COG5: variants seen among roughly 807,000 people sequenced by gnomAD.
COG5 encodes conserved oligomeric Golgi complex subunit 5.
Under a neutral mutation model 110.4 loss-of-function variants are expected in COG5, and 86 were observed. That is an observed-to-expected ratio of 0.78 (90% CI 0.65 to 0.93). The LOEUF (loss-of-function observed/expected upper bound fraction) is 0.93. Ranked by LOEUF, COG5 falls within the 40% of genes least tolerant of loss-of-function variation. The pLI is 0.00. For missense variants in COG5, 1,077 were observed against 987.0 expected (o/e 1.09, Z -1.22); for synonymous variants, 360 against 334.6 (o/e 1.08, Z -0.83).
At chr7:107,312,581 T>C (rs970344041) in intron 11 of COG5, among the ~76,000 whole-genome samples, 13 of 152,130 alleles carry the variant, frequency 8.5e-5, no homozygotes, top group Non-Finnish European at 1.3e-4. Flanking sequence ...GGGGAGGATA[T>C]AGACACGTGT....
intron 6 of COG5, among the ~76,000 whole-genome samples, chr7:107,513,890 G>T (rs1799723284): frequency 6.7e-6 from 1 of 149,860 alleles, no homozygotes; most frequent in African/African-American, 2.5e-5. Context: ...ACACTCCGGG[G>T]ACTGTTGTGG....
rs372757674 is a variant in COG5, at chr7:107,476,417, C to G, written c.538+50820G>C. On this transcript the variant is annotated intron_variant, in intron 6 of 21. Transcript: ENST00000297135. The stretch of plus-strand genomic sequence containing the variant: ...ACAATGTTCCCACCAAATCATAGCT[C>G]CCAAGTAATTCAAAATGAGTTGTTT... Among the ~76,000 whole-genome samples, 55 of 151,414 alleles carry G rather than the reference C, an allele frequency of 3.6e-4. 1 individual carries two copies. The highest frequency in any genetic ancestry group is 1.2e-3 in the African/African-American group (51 of 41,434).
chr7:107,482,377 C>G (rs1211829140), intron 6 of COG5, among the ~76,000 whole-genome samples: 1 of 151,972 alleles, frequency 6.6e-6, no homozygotes, highest in African/African-American at 2.4e-5. Flanking sequence ...AACTCCTGGT[C>G]TCAAGCAATC....
rs186310759 is a variant in COG5 at position 107,411,407 on chromosome 7, C to T, written c.669+1095G>A. On this transcript the variant is annotated intron_variant, in intron 7 of 21. Transcript: ENST00000297135. ...CTTACAGGGAGACCTAGAGTTAAAACATAATTGACCAAACAACTAAAAGTA... is the reference window on the plus strand; with the variant it reads ...CTTACAGGGAGACCTAGAGTTAAAATATAATTGACCAAACAACTAAAAGTA... Among the ~76,000 whole-genome samples, 118 of 151,822 alleles carry T rather than the reference C, an allele frequency of 7.8e-4. 1 individual carries two copies. The highest frequency in any genetic ancestry group is 2.8e-3 in the African/African-American group (115 of 41,390).
intron 14 of COG5, among the ~76,000 whole-genome samples, chr7:107,271,442 ATTC>A (rs550908019): frequency 1.6e-3 from 246 of 152,258 alleles, no homozygotes; most frequent in Middle Eastern, 0.01. Flanking sequence ...CATTTAAAAA[ATTC>A]TTCTTCAATT....
intron 19 of COG5, among the ~76,000 whole-genome samples, chr7:107,216,293 C>A (rs1168708961): frequency 6.6e-6 from 1 of 152,158 alleles, no homozygotes; most frequent in Non-Finnish European, 1.5e-5. Context: ...ACTTACAATG[C>A]AGTAATTGTA....
chr7:107,253,894 C>T (rs1261261760), intron 16 of COG5, among the ~76,000 whole-genome samples: 1 of 152,116 alleles, frequency 6.6e-6, no homozygotes, highest in Non-Finnish European at 1.5e-5. Context: ...CAAAATGTCT[C>T]TTGATTGGAG....
At chr7:107,222,052 G>A (rs1171300043) in intron 19 of COG5, among the ~76,000 whole-genome samples, 3 of 152,176 alleles carry the variant, frequency 2.0e-5, no homozygotes, top group African/African-American at 7.2e-5. Context: ...CAGACGAGGA[G>A]AGGGAAACAA....
At position 107,351,846 on chromosome 7, in the gene COG5, C is replaced by A. The variant is rs914117473; in HGVS notation, c.1026+10187G>T. ...GAGAGGATGTGGAGAAATAGGAACA[C>A]TTTTACACTGTTGGTGGGACTGTAA... is the stretch of plus-strand genomic sequence containing the variant. On this transcript the variant is annotated intron_variant, in intron 10 of 21. Transcript: ENST00000297135. Among the ~76,000 whole-genome samples, 4 of 149,798 alleles carry A rather than the reference C, an allele frequency of 2.7e-5. No homozygotes were observed. The Admixed American group carries it at 2.7e-4, about 10-fold the overall frequency.
chr7:107,434,613 A>T lies in COG5; in HGVS notation c.539-21981T>A, dbSNP rs185367784. On this transcript the variant is annotated intron_variant, in intron 6 of 21. Coordinates refer to ENST00000297135, the MANE Select transcript of COG5 (RefSeq NM_006348.5). ...AAAATAAATTAAGAGATAAAATTTTAAAAAAAGATAAAAAGAAAAAGAAAA... is the reference window on the plus strand; with the variant it reads ...AAAATAAATTAAGAGATAAAATTTTTAAAAAAGATAAAAAGAAAAAGAAAA... 2.5e-4 allele frequency among the ~76,000 whole-genome samples: 38 copies of T among 152,296 alleles called. 1 individual carries two copies. Among genetic ancestry groups the T allele is most frequent in the Middle Eastern group, 6.8e-3 (2 of 294 alleles).
intron 7 of COG5, among the ~76,000 whole-genome samples, chr7:107,408,017 T>C (rs376580885): frequency 6.6e-6 from 1 of 152,268 alleles, no homozygotes; most frequent in African/African-American, 2.4e-5. Context: ...GAGTATTAAA[T>C]GGAAATCAGA....
chr7:107,559,540 G>A (rs924550339), intron 1 of COG5, among the ~76,000 whole-genome samples: 1 of 152,140 alleles, frequency 6.6e-6, no homozygotes, highest in Non-Finnish European at 1.5e-5. Context: ...CAGACACATG[G>A]CAGGTTCCAT....
intron 10 of COG5, among the ~76,000 whole-genome samples, chr7:107,346,719 A>C (rs1811641806): frequency 6.6e-6 from 1 of 151,866 alleles, no homozygotes; most frequent in Admixed American, 6.6e-5. Flanking sequence ...TTTTATTATT[A>C]TACTTTAAGT....
At chr7:107,461,495 T>TC (rs1795986624) in intron 6 of COG5, among the ~76,000 whole-genome samples, 1 of 152,266 alleles carries the variant, frequency 6.6e-6, no homozygotes, top group South Asian at 2.1e-4. Flanking sequence ...TTGAATACTT[T>TC]CCCCCTGAAG....
chr7:107,537,131 G>A lies in COG5; in HGVS notation c.418-9774C>T, dbSNP rs542696646. ...TACACTTTACACTGTTGGTGGGAGT[G>A]TAAATTAGTTCAGCCATTGTGAGGC... On this transcript the variant is annotated intron_variant, in intron 5 of 21. Coordinates refer to ENST00000297135, the MANE Select transcript of COG5 (RefSeq NM_006348.5). 2.0e-5 allele frequency among the ~76,000 whole-genome samples: 3 copies of A among 152,232 alleles called. 1 individual carries two copies. The highest frequency in any genetic ancestry group is 4.1e-4 in the South Asian group (2 of 4,826).
rs1798386006 is a variant in COG5 at position 107,202,265 on chromosome 7, C to CT, written c.*1250dup. The stretch of plus-strand genomic sequence containing the variant: ...CTTTATGGTGGGGGCAGACTTTGCA[C>CT]TTACTGCAGTGCAACACTTGCACTT... On this transcript the variant is annotated 3_prime_UTR_variant, in exon 22 of 22. Transcript: ENST00000297135. 3 of 152,624 alleles carry CT rather than the reference C, an allele frequency of 2.0e-5. No homozygotes were observed. The highest frequency in any genetic ancestry group is 4.4e-5 in the Non-Finnish European group (3 of 68,028). The allele number at this position is 152,624 out of a possible 1,614,324, so 9.5% of individuals were successfully genotyped here.
At chr7:107,353,700 A>G (rs531127532) in intron 10 of COG5, among the ~76,000 whole-genome samples, 1 of 152,272 alleles carries the variant, frequency 6.6e-6, no homozygotes, top group African/African-American at 2.4e-5. Context: ...ATAATAAACT[A>G]AAATGTCCCT....
intron 11 of COG5, among the ~76,000 whole-genome samples, chr7:107,322,606 G>A (rs144654551): frequency 1.6e-3 from 242 of 152,186 alleles, no homozygotes; most frequent in African/African-American, 5.5e-3. Flanking sequence ...GGAGCAACTG[G>A]AACTATCACA....
intron 14 of COG5, among the ~76,000 whole-genome samples, chr7:107,261,753 A>G (rs557291270): frequency 1.8e-4 from 28 of 152,340 alleles, no homozygotes; most frequent in Non-Finnish European, 2.9e-4. Flanking sequence ...TTGCCATTAT[A>G]ATGACTGAAC....
Sources: allele counts gnomAD v4.1 joint callset (sites outside exome capture counted in the v4.1 genomes callset), GRCh38; gene constraint gnomAD v4.1.1; transcripts MANE v1.5; gene names NCBI Gene and HGNC (gene_info 2026-07-23, HGNC 2026-07-21).